The following KAZN variants were observed in gnomAD, a reference collection of about 807,000 sequenced individuals.
The protein encoded by KAZN is kazrin, periplakin interacting protein.
Under a neutral mutation model 87.4 loss-of-function variants are expected in KAZN, and 40 were observed. The observed-to-expected ratio is 0.46, with a 90% CI of 0.36 to 0.60. KAZN has a LOEUF of 0.60. Ranked by LOEUF, KAZN falls within the 20% of genes least tolerant of loss-of-function variation. KAZN has a pLI of 0.00. For synonymous variants in KAZN, 466 were observed against 458.3 expected, an observed-to-expected ratio of 1.02 and a Z score of -0.22; for missense variants, 898 against 1,073.9, an observed-to-expected ratio of 0.84 and a Z score of 2.29.
chr1:15,051,942 A>G (rs2100446548), intron 4 of KAZN, among the ~76,000 whole-genome samples: 1 of 152,344 alleles, frequency 6.6e-6, no homozygotes, highest in African/African-American at 2.4e-5. Flanking sequence ...AAATGGATGC[A>G]TTTGTGTCAA....
chr1:14,084,448 C>G lies in KAZN; in HGVS notation c.92-95987C>G, dbSNP rs116841358. ...CCTATACAGTGAAAAAATATATTGCCAAATCCCCTGCCCATGTATGTGTAC... is the reference window on the plus strand; with the variant it reads ...CCTATACAGTGAAAAAATATATTGCGAAATCCCCTGCCCATGTATGTGTAC... On this transcript the variant is annotated intron_variant, in intron 1 of 16. Coordinates refer to the KAZN transcript ENST00000636203. 6.5e-3 allele frequency among the ~76,000 whole-genome samples: 990 copies of G among 152,210 alleles called. 10 individuals are homozygous for G. The South Asian group carries it at 0.066, about 10-fold the overall frequency.
At chr1:14,600,666 C>CAAAAAAAAAAA (rs59840012) in intron 1 of KAZN, among the ~76,000 whole-genome samples, 1 of 118,510 alleles carries the variant, frequency 8.4e-6, no homozygotes, top group Admixed American at 8.1e-5. Flanking sequence ...GGAACCTGTG[C>CAAAAAAAAAAA]AAAAAAAAAA....
chr1:14,216,566 A>G (rs1646960679), intron 2 of KAZN, among the ~76,000 whole-genome samples: 1 of 152,222 alleles, frequency 6.6e-6, no homozygotes, highest in Non-Finnish European at 1.5e-5. Context: ...GTAAAGCCTA[A>G]AGTTGGAAAA....
chr1:14,564,118 T>C (rs1674410899), intron 2 of KAZN, among the ~76,000 whole-genome samples: 1 of 152,016 alleles, frequency 6.6e-6, no homozygotes, highest in Non-Finnish European at 1.5e-5. Flanking sequence ...CTGAGGGCCT[T>C]AGTACTTAAG....
At chr1:14,771,169 G>A (rs115540095) in intron 1 of KAZN, among the ~76,000 whole-genome samples, 2,016 of 152,222 alleles carry the variant, frequency 0.013, 45 homozygotes, top group African/African-American at 0.046. Context: ...GGAGGGCCCC[G>A]AGGAAGAAAG....
At chr1:14,827,132 G>C (rs1241164432) in intron 1 of KAZN, among the ~76,000 whole-genome samples, 1 of 152,186 alleles carries the variant, frequency 6.6e-6, no homozygotes, top group Admixed American at 6.5e-5. Context: ...GCCCAGTCCT[G>C]AGGCATCCAT....
intron 1 of KAZN, among the ~76,000 whole-genome samples, chr1:13,970,574 A>G (rs1642102390): frequency 6.6e-6 from 1 of 152,250 alleles, no homozygotes; most frequent in African/African-American, 2.4e-5. Flanking sequence ...GATACTATCT[A>G]TCTGTGATGG....
chr1:14,058,615 A>G (rs1480945132), intron 1 of KAZN, among the ~76,000 whole-genome samples: 2 of 152,192 alleles, frequency 1.3e-5, no homozygotes, highest in African/African-American at 2.4e-5. Context: ...TCAAAGCTAC[A>G]TGGATTCATT....
At chr1:14,781,000 G>A (rs764224446) in intron 1 of KAZN, among the ~76,000 whole-genome samples, 93 of 152,208 alleles carry the variant, frequency 6.1e-4, no homozygotes, top group Non-Finnish European at 1.2e-3. Context: ...GGGGGACACT[G>A]AAGGCACCGA....
At chr1:15,076,208 G>C (rs996454955) in intron 8 of KAZN, among the ~76,000 whole-genome samples, 6 of 152,352 alleles carry the variant, frequency 3.9e-5, no homozygotes, top group African/African-American at 1.4e-4. Flanking sequence ...CCCAAATGGA[G>C]GGTTAGAGGT....
chr1:13,968,228 C>T (rs1210013826), intron 1 of KAZN, among the ~76,000 whole-genome samples: 1 of 152,130 alleles, frequency 6.6e-6, no homozygotes, highest in Non-Finnish European at 1.5e-5. Flanking sequence ...CTTCTTAGGA[C>T]ATCTGCAAGG....
chr1:14,487,005 G>C (rs545680661), intron 2 of KAZN, among the ~76,000 whole-genome samples: 2 of 152,214 alleles, frequency 1.3e-5, no homozygotes, highest in Non-Finnish European at 2.9e-5. Flanking sequence ...CAGAGGACCA[G>C]CTATTTTTTG....
intron 8 of KAZN, among the ~76,000 whole-genome samples, chr1:15,092,877 G>A (rs994954253): frequency 4.0e-5 from 6 of 151,402 alleles, no homozygotes; most frequent in Admixed American, 3.3e-4. Flanking sequence ...TTGATGCAAC[G>A]AACCATATAT....
intron 2 of KAZN, among the ~76,000 whole-genome samples, chr1:14,387,300 T>G (rs1308782436): frequency 6.6e-6 from 1 of 152,210 alleles, no homozygotes; most frequent in African/African-American, 2.4e-5. Flanking sequence ...TCTGAAGCCT[T>G]CTTCTCTCAG....
At chr1:14,013,364 G>C (rs947828740) in intron 1 of KAZN, among the ~76,000 whole-genome samples, 1 of 152,142 alleles carries the variant, frequency 6.6e-6, no homozygotes, top group Admixed American at 6.5e-5. Context: ...ATTCCCATTG[G>C]GCAGAACAGT....
chr1:14,096,812 C>T lies in KAZN; in HGVS notation c.92-83623C>T, dbSNP rs191799701. Reference sequence around the variant, plus strand: ...GAGTGAATCCCCAGGCCTACTTCAACGCTCCTTAAAACGGTAACAGGGAGC... The same window carrying T: ...GAGTGAATCCCCAGGCCTACTTCAATGCTCCTTAAAACGGTAACAGGGAGC... On this transcript the variant is annotated intron_variant, in intron 1 of 16. Transcript: ENST00000636203. Among the ~76,000 whole-genome samples, 407 of 152,314 alleles carry T rather than the reference C, an allele frequency of 2.7e-3. 10 individuals carry two copies. In the South Asian group the frequency reaches 0.066, roughly 25 times the overall value.
chr1:14,856,284 T>C lies in KAZN; in HGVS notation c.227-104400T>C, dbSNP rs1433665696. On this transcript the variant is annotated intron_variant, in intron 1 of 14. Coordinates refer to ENST00000376030, the MANE Select transcript of KAZN (RefSeq NM_201628.3). This position sits in a 1 kb window ranked among gnomAD's most constrained non-coding sequence, Gnocchi z 5.2. The stretch of plus-strand genomic sequence containing the variant: ...TTATTAAGTGAATGTGAAGAATACA[T>C]ATTCCCTGCTTTTATGGGTACCTAT... 6.6e-6 allele frequency among the ~76,000 whole-genome samples: 1 copy of C among 152,168 alleles called. No homozygotes were observed. Among genetic ancestry groups the C allele is most frequent in the African/African-American group, 2.4e-5 (1 of 41,442 alleles).
At chr1:14,246,846 A>G (rs994612992) in intron 2 of KAZN, among the ~76,000 whole-genome samples, 1 of 152,142 alleles carries the variant, frequency 6.6e-6, no homozygotes, top group African/African-American at 2.4e-5. Flanking sequence ...CTTCAGATGG[A>G]AGCCTAGCTG....
chr1:14,534,894 C>A (rs993353115), intron 2 of KAZN, among the ~76,000 whole-genome samples: 1 of 152,178 alleles, frequency 6.6e-6, no homozygotes, highest in Non-Finnish European at 1.5e-5. Flanking sequence ...CTGGCAGAGC[C>A]AGAGCTGACC....
Sources: gnomAD v4.1 joint callset for allele counts (sites outside exome capture counted in the v4.1 genomes callset) on GRCh38, gnomAD v4.1.1 for gene constraint, Gnocchi (gnomAD v3.1) non-coding constraint, MANE v1.5 for transcripts, NCBI Gene and HGNC (gene_info 2026-07-23, HGNC 2026-07-21) for gene names.